Variants in MED13 observed in about 807,000 individuals in gnomAD.
MED13 encodes mediator of RNA polymerase II transcription subunit 13.
In MED13, 23 loss-of-function variants were observed where a neutral mutation model predicts 225.2. That is an observed-to-expected ratio of 0.10 (90% confidence interval 0.07 to 0.14). The LOEUF is 0.14. Among genes scored for constraint, MED13 ranks in the 10% least tolerant of loss-of-function variants. MED13 has a pLI of 1.00. For synonymous variants in MED13, 942 were observed against 889.2 expected (o/e 1.06, Z -1.06); for missense variants, 2,197 against 2,594.5 (o/e 0.85, Z 3.33).
chr17:61,984,910 C>G (rs139180520), intron 13 of MED13, 45 bp from the exon 14 acceptor site: 2 of 1,590,986 alleles, frequency 1.3e-6, no homozygotes, highest in East Asian at 4.5e-5. Flanking sequence ...TAAAAATAGG[C>G]GAATCTGTGT....
intron 10 of MED13, 105 bp from the exon 11 acceptor site, chr17:61,992,726 C>T: frequency 2.8e-6 from 2 of 724,732 alleles, no homozygotes; most frequent in Non-Finnish European, 4.8e-6. Flanking sequence ...AAGTGTTTAA[C>T]ATACATTATC....
chr17:61,988,237 T>C (rs2080265307), intron 11 of MED13, among the ~76,000 whole-genome samples: 1 of 152,172 alleles, frequency 6.6e-6, no homozygotes, highest in Non-Finnish European at 1.5e-5. Flanking sequence ...CTTCGCCCAG[T>C]ACTAGGTGCT....
rs1234190748 is a variant in MED13 at position 62,031,745 on chromosome 17, TA to T, written c.815-108del. On this transcript the variant is annotated intron_variant, in intron 5 of 29. Transcript: ENST00000397786. Reference sequence around the variant, plus strand: ...AAAGTAGGTATCACATTTATACAAATAAAAATACATTTTTATAAATATAAGC... The same window carrying T: ...AAAGTAGGTATCACATTTATACAAATAAAATACATTTTTATAAATATAAGC... 7.1e-6 allele frequency: 4 copies of T among 559,906 alleles called. No individual in the cohort carries two copies. In the African/African-American group the frequency reaches 7.8e-5, roughly 11 times the overall value. 34.7% of individuals were successfully genotyped at this position (559,906 alleles called of 1,614,324 possible). A position where few individuals can be genotyped will look rare whatever the true frequency, so the allele number is the denominator to read the frequency against.
Position 62,063,231 on chromosome 17 carries a change from G to A in MED13, c.137C>T (p.Pro46Leu), listed in dbSNP as rs753632973. ...CAAAATGGGGTCTTCTTCTGTCACA[G>A]GAAACAGAATAGGGGCAGAAGTTGG... ...QGPTSAPILF[P>L]VTEEDPILSS... Residue 46 changes from proline (P) to leucine (L), a missense_variant, in exon 2 of 30, where the codon CCT (proline) becomes CTT (leucine). By Grantham distance (98) the Pro-to-Leu change is moderately conservative. Transcript: ENST00000397786. 6.2e-6 allele frequency: 10 copies of A among 1,613,996 alleles called. No homozygotes were observed. The South Asian group carries it at 8.8e-5, about 14-fold the overall frequency.
chr17:62,050,195 T>G (rs2080943536), intron 3 of MED13, among the ~76,000 whole-genome samples: 1 of 151,206 alleles, frequency 6.6e-6, no homozygotes, highest in African/African-American at 2.4e-5. Context: ...CTGTCTCTAC[T>G]AAAAACACAA....
intron 1 of MED13, among the ~76,000 whole-genome samples, chr17:62,064,847 A>G (rs2081068540): frequency 6.6e-6 from 1 of 152,220 alleles, no homozygotes; most frequent in Non-Finnish European, 1.5e-5. Context: ...ACAAGAGGGA[A>G]AGGTTACTGT....
At chr17:62,064,994 G>T in intron 1 of MED13, 146 bp downstream of exon 1, 1 of 594,908 alleles carries the variant, frequency 1.7e-6, no homozygotes, top group Non-Finnish European at 2.7e-6. Context: ...TCCCGGGGCT[G>T]GCCGCGGAGC....
At chr17:62,046,101 A>G (rs1284177711) in intron 3 of MED13, among the ~76,000 whole-genome samples, 2 of 152,228 alleles carry the variant, frequency 1.3e-5, no homozygotes, top group Admixed American at 1.3e-4. Context: ...TTAGTCAACA[A>G]AAACAGTCTA....
intron 3 of MED13, among the ~76,000 whole-genome samples, chr17:62,043,156 C>CAAAAAAAAAAAAAAAAAAAAAAAAAAAAA (rs764530614): frequency 9.5e-5 from 3 of 31,668 alleles, no homozygotes; most frequent in Non-Finnish European, 1.7e-4. Context: ...ACCCTGTCTC[C>CAAAAAAAAAAAAAAAAAAAAAAAAAAAAA]AAAAAAAAAA....
chr17:62,028,890 G>A (rs2080727474), intron 8 of MED13, among the ~76,000 whole-genome samples: 2 of 152,070 alleles, frequency 1.3e-5, no homozygotes, highest in African/African-American at 4.8e-5. Flanking sequence ...AGATATGGTG[G>A]CTCACACCTG....
chr17:61,995,124 C>A (rs1002773204), intron 10 of MED13, 28 bp downstream of exon 10: 1 of 1,484,266 alleles, frequency 6.7e-7, no homozygotes, highest in Non-Finnish European at 9.4e-7. Flanking sequence ...TCAACAGTGA[C>A]CCTTTGGTGT....
intron 26 of MED13, among the ~76,000 whole-genome samples, chr17:61,953,718 T>C (rs1567938841): frequency 6.6e-6 from 1 of 152,234 alleles, no homozygotes; most frequent in Non-Finnish European, 1.5e-5. Context: ...AAATGCGTGT[T>C]GTTTTAAGCC....
At chr17:61,962,634 A>G (rs2278813) in intron 21 of MED13, 118 bp downstream of exon 21, 153,851 of 731,380 alleles carry the variant, frequency 0.21, 18,000 homozygotes, top group Admixed American at 0.34. Context: ...AGTAAAATCA[A>G]TATAATAGAA....
chr17:61,995,374 A>G lies in MED13; in HGVS notation c.1968-9T>C. 1 of 1,544,168 alleles carries G rather than the reference A, an allele frequency of 6.5e-7. No homozygotes were observed. The highest frequency in any genetic ancestry group is 8.7e-7 in the Non-Finnish European group (1 of 1,145,842). On this transcript the variant is annotated splice_polypyrimidine_tract_variant and intron_variant, in intron 9 of 29. Coordinates refer to ENST00000397786, the MANE Select transcript of MED13 (RefSeq NM_005121.3). ...TACATTGCACCATTAACCTGCATAA[A>G]AAAATTAAAAAAAATTAATTATCCA...
chr17:61,991,754 C>T (rs1443986463), intron 11 of MED13, among the ~76,000 whole-genome samples: 2 of 152,098 alleles, frequency 1.3e-5, no homozygotes, highest in Non-Finnish European at 2.9e-5. Context: ...GTGATCCGCC[C>T]GCCACGGCCT....
intron 2 of MED13, among the ~76,000 whole-genome samples, chr17:62,060,644 C>CAAAAAAAAAAA (rs565314177): frequency 1.1e-4 from 9 of 84,680 alleles, no homozygotes; most frequent in African/African-American, 4.4e-4. Context: ...GACTCCGTCT[C>CAAAAAAAAAAA]AAAAAAAAAA....
intron 17 of MED13, among the ~76,000 whole-genome samples, chr17:61,969,140 G>C (rs1260306089): frequency 6.6e-6 from 1 of 152,144 alleles, no homozygotes; most frequent in Non-Finnish European, 1.5e-5. Flanking sequence ...CAGATCACCT[G>C]AGGCTGGGAG....
At chr17:62,034,952 T>C (rs934738179) in intron 4 of MED13, among the ~76,000 whole-genome samples, 3 of 151,906 alleles carry the variant, frequency 2.0e-5, no homozygotes, top group Admixed American at 2.0e-4. Context: ...AACCCAGTTC[T>C]ACTAAAAAAA....
chr17:62,064,122 C>T (rs2081062910), intron 1 of MED13, among the ~76,000 whole-genome samples: 1 of 152,186 alleles, frequency 6.6e-6, no homozygotes, highest in Non-Finnish European at 1.5e-5. Context: ...TTTACACTTG[C>T]CAACTAGTTG....
Sources: allele counts gnomAD v4.1 joint callset (sites outside exome capture counted in the v4.1 genomes callset), GRCh38; gene constraint gnomAD v4.1.1; transcripts MANE v1.5; gene names NCBI Gene and HGNC (gene_info 2026-07-23, HGNC 2026-07-21).